DUSP3: variants seen among roughly 807,000 people sequenced by gnomAD.
DUSP3 encodes dual specificity protein phosphatase 3.
DUSP3 carries 7 observed loss-of-function variants against 15.5 expected under a neutral mutation model. The ratio of observed to expected loss-of-function variants is 0.45; its 90% CI spans 0.26 to 0.85. The LOEUF (loss-of-function observed/expected upper bound fraction) is 0.85. Ranked by LOEUF, DUSP3 falls within the 40% of genes least tolerant of loss-of-function variation. The pLI is 0.18. For missense variants in DUSP3, 209 were observed against 251.7 expected (o/e 0.83, Z 1.15); for synonymous variants, 86 against 104.2 (o/e 0.83, Z 1.07).
In DUSP3 at chr17:43,766,468, C is replaced by T. The variant is rs1197054704; in HGVS notation, c.*3141G>A. The stretch of plus-strand genomic sequence containing the variant: ...AAAAGAAAATTTCCTGCGAGAAAAG[C>T]TCATGTCTTCATATTGAAGATCAGT... On this transcript the variant is annotated 3_prime_UTR_variant, in exon 3 of 3. Coordinates refer to ENST00000226004, the MANE Select transcript of DUSP3 (RefSeq NM_004090.4). The T allele has an allele frequency of 6.6e-6, 1 of 152,038 alleles. No homozygotes were observed. The highest frequency in any genetic ancestry group is 1.5e-5 in the Non-Finnish European group (1 of 67,988). 9.4% of individuals were successfully genotyped at this position (152,038 alleles called of 1,614,324 possible).
rs1335477758 is a variant in DUSP3 at position 43,767,439 on chromosome 17, C to T, written c.*2170G>A. The T allele has an allele frequency of 2.0e-5, 3 of 152,636 alleles. No individual in the cohort carries two copies. The highest frequency in any genetic ancestry group is 2.9e-5 in the Non-Finnish European group (2 of 68,058). 9.5% of individuals were successfully genotyped at this position (152,636 alleles called of 1,614,324 possible). A position where few individuals can be genotyped will look rare whatever the true frequency, so the allele number is the denominator to read the frequency against. On this transcript the variant is annotated 3_prime_UTR_variant, in exon 3 of 3. Transcript: ENST00000226004. ...GTAAGTGCAGTACACCTGGAGATCC[C>T]AGGGAGCCCCCTTCTTGAGAAAGAG...
chr17:43,772,483 C>T (rs1974331896), intron 2 of DUSP3, among the ~76,000 whole-genome samples: 1 of 152,160 alleles, frequency 6.6e-6, no homozygotes, highest in Admixed American at 6.5e-5. Context: ...CCACCTCCTC[C>T]ATGAAGCTGT....
rs1974252879 is a variant in DUSP3, at chr17:43,767,308, G to C, written c.*2301C>G. 6.6e-6 allele frequency: 1 copy of C among 152,658 alleles called. No homozygotes were observed. The highest frequency in any genetic ancestry group is 2.4e-5 in the African/African-American group (1 of 41,456). 9.5% of individuals were successfully genotyped at this position (152,658 alleles called of 1,614,324 possible). ...CCTAGCCTTTTCCAGGAGCAGAGCA[G>C]AAAGCTCTACTTCGGGGTGCTACAT... On this transcript the variant is annotated 3_prime_UTR_variant, in exon 3 of 3. Transcript: ENST00000226004.
chr17:43,778,695 G>T (rs1437202445), intron 1 of DUSP3, 105 bp downstream of exon 1: 3 of 1,330,926 alleles, frequency 2.3e-6, no homozygotes, highest in East Asian at 3.2e-5. Context: ...GGGCCATCGC[G>T]CCCGGGCTCC....
chr17:43,769,412 CG>C lies in DUSP3; in HGVS notation c.*196del. On this transcript the variant is annotated 3_prime_UTR_variant, in exon 3 of 3. Transcript: ENST00000226004. ...AAACAGGACAACTGGGGAGCAAGGA[CG>C]CCCCCCTTGGCAAGCTTCTTTATGT... The C allele has an allele frequency of 1.7e-6, 1 of 583,162 alleles. No individual in the cohort carries two copies. Among genetic ancestry groups the C allele is most frequent in the East Asian group, 3.1e-5 (1 of 32,786 alleles). The allele number at this position is 583,162 out of a possible 1,614,324, so 36.1% of individuals were successfully genotyped here. A position where few individuals can be genotyped will look rare whatever the true frequency, so the allele number is the denominator to read the frequency against.
chr17:43,777,753 GCTC>G (rs984424644), intron 1 of DUSP3: 8 of 257,216 alleles, frequency 3.1e-5, no homozygotes, highest in African/African-American at 1.6e-4. Context: ...CTTTCTTGAG[GCTC>G]CTATTTCACA....
At chr17:43,769,888 T>C (rs1203284169) in intron 2 of DUSP3, 74 bp from the exon 3 acceptor site, 3 of 1,498,176 alleles carry the variant, frequency 2.0e-6, no homozygotes, top group African/African-American at 1.4e-5. Context: ...GACTCTTCCG[T>C]GAAGTGCCAC....
At position 43,769,535 on chromosome 17, in the gene DUSP3, A is replaced by C; in HGVS notation, c.*74T>G. 1.3e-6 allele frequency: 2 copies of C among 1,559,630 alleles called. No individual in the cohort carries two copies. Among genetic ancestry groups the C allele is most frequent in the Non-Finnish European group, 1.8e-6 (2 of 1,140,628 alleles). On this transcript the variant is annotated 3_prime_UTR_variant, in exon 3 of 3. Transcript: ENST00000226004. ...GGGAGCAGGGTACAGTGTGTTTCCT[A>C]AACATGGCAGCTCGGGACACCTTTG...
At chr17:43,776,836 A>T (rs1348281359) in intron 1 of DUSP3, among the ~76,000 whole-genome samples, 2 of 152,190 alleles carry the variant, frequency 1.3e-5, no homozygotes, top group Non-Finnish European at 2.9e-5. Context: ...GTGTCTCTAG[A>T]GCTTTCCAAT....
Position 43,778,780 on chromosome 17 carries a change from G to T in DUSP3, c.125+20C>A. ...CGTCCCGAGAGGGACGGCGGGGCCG[G>T]GCTCGCGAAAGGGACTCACGCGTTG... is the stretch of plus-strand genomic sequence containing the variant. On this transcript the variant is annotated intron_variant, in intron 1 of 2. Coordinates refer to ENST00000226004, the MANE Select transcript of DUSP3 (RefSeq NM_004090.4). The T allele has an allele frequency of 6.6e-7, 1 of 1,513,342 alleles. No homozygotes were observed. The highest frequency in any genetic ancestry group is 2.8e-5 in the East Asian group (1 of 35,896). The allele number at this position is 1,513,342 out of a possible 1,614,324, so 93.7% of individuals were successfully genotyped here. A position where few individuals can be genotyped will look rare whatever the true frequency, so the allele number is the denominator to read the frequency against.
In DUSP3 at chr17:43,769,214, A is replaced by G. The variant is rs7214981; in HGVS notation, c.*395T>C. On this transcript the variant is annotated 3_prime_UTR_variant, in exon 3 of 3. Transcript: ENST00000226004. ...ACTAGGGCTCAAGGTGTTGAGGTCC[A>G]CACTCAAGAGAGGATTCGGGAGTTG... The G allele has an allele frequency of 0.03, 6,812 of 223,802 alleles. 450 individuals are homozygous for G. Among genetic ancestry groups the G allele is most frequent in the African/African-American group, 0.15 (6,338 of 42,574 alleles). 13.9% of individuals were successfully genotyped at this position (223,802 alleles called of 1,614,324 possible).
At chr17:43,774,660 G>C in intron 2 of DUSP3, 52 bp downstream of exon 2, 1 of 1,592,650 alleles carries the variant, frequency 6.3e-7, no homozygotes, top group Non-Finnish European at 8.6e-7. Flanking sequence ...TTTCCAGAGG[G>C]ACAGTCCAGT....
chr17:43,769,794 G>A lies in DUSP3; in HGVS notation c.373C>T (p.Arg125Trp), dbSNP rs151166513. 18 of 1,613,958 alleles carry A rather than the reference G, an allele frequency of 1.1e-5. No individual in the cohort carries two copies. Among genetic ancestry groups the A allele is most frequent in the African/African-American group, 2.7e-5 (2 of 74,908 alleles). The part of the protein sequence containing the change: ...QKNGRVLVHC[R>W]EGYSRSPTLV... ...GTTGGGGAGCGGCTATAACCTTCCC[G>A]GCAGTGGACGAGCACCCGGCCTGTA... is the stretch of plus-strand genomic sequence containing the variant. Residue 125 changes from arginine (R) to tryptophan (W), a missense_variant, in exon 3 of 3, where the codon CGG becomes TGG. Arg to Trp is a moderately radical substitution (Grantham distance 101). Coordinates refer to ENST00000226004, the MANE Select transcript of DUSP3 (RefSeq NM_004090.4).
chr17:43,777,066 G>A (rs914060916), intron 1 of DUSP3, among the ~76,000 whole-genome samples: 2 of 151,946 alleles, frequency 1.3e-5, no homozygotes, highest in Non-Finnish European at 2.9e-5. Context: ...TCCACCTCCC[G>A]TGTTCAAACG....
chr17:43,774,921 A>G lies in DUSP3; in HGVS notation c.143T>C (p.Ile48Thr). Residue 48 changes from isoleucine (I) to threonine (T), a missense_variant, in exon 2 of 3, where the codon ATC becomes ACC. Ile to Thr is a moderately conservative substitution (Grantham distance 89). Coordinates refer to ENST00000226004, the MANE Select transcript of DUSP3 (RefSeq NM_004090.4). ...YVGNASVAQD[I>T]PKLQKLGITH... ...GATGCCTAGTTTCTGCAGCTTGGGG[A>G]TGTCCTGAGCCACAGACCTGGACAG... 1 of 1,614,104 alleles carries G rather than the reference A, an allele frequency of 6.2e-7. No homozygotes were observed. Among genetic ancestry groups the G allele is most frequent in the South Asian group, 1.1e-5 (1 of 91,080 alleles).
intron 2 of DUSP3, among the ~76,000 whole-genome samples, chr17:43,770,380 G>A (rs1974299671): frequency 6.6e-6 from 1 of 152,198 alleles, no homozygotes; most frequent in Admixed American, 6.5e-5. Flanking sequence ...GCAAGGGGCT[G>A]GGCACAGTGG....
rs1211090971 is a variant in DUSP3 at position 43,778,864 on chromosome 17, C to A, written c.61G>T (p.Gly21Cys). The change falls in exon 1 of 3, where the codon GGC becomes TGC. Residue 21 changes from glycine to cysteine, a missense_variant. Physicochemically the swap from Gly to Cys is radical, Grantham distance 159. Transcript: ENST00000226004. ...DLNDLLSDGS[G>C]CYSLPSQPCN... is the part of the protein sequence containing the mutation. ...GGCTGGCTCGGGAGGCTGTAGCAGC[C>A]GCTGCCGTCCGAGAGCAGGTCGTTG... The A allele has an allele frequency of 6.6e-7, 1 of 1,521,132 alleles. No individual in the cohort carries two copies. Among genetic ancestry groups the A allele is most frequent in the Non-Finnish European group, 8.8e-7 (1 of 1,135,352 alleles). The allele number at this position is 1,521,132 out of a possible 1,614,324, so 94.2% of individuals were successfully genotyped here.
intron 2 of DUSP3, 68 bp from the exon 3 acceptor site, chr17:43,769,882 C>T (rs1974291749): frequency 1.3e-6 from 2 of 1,545,386 alleles, no homozygotes; most frequent in Admixed American, 3.7e-5. Flanking sequence ...GGTCAAGACT[C>T]TTCCGTGAAG....
chr17:43,777,129 T>C (rs4792913), intron 1 of DUSP3, among the ~76,000 whole-genome samples: 51,771 of 151,850 alleles, frequency 0.34, 9,907 homozygotes, highest in African/African-American at 0.52. Flanking sequence ...CCAGGCACCA[T>C]GCCCAGCTAA....
Sources: gnomAD v4.1 joint callset for allele counts (sites outside exome capture counted in the v4.1 genomes callset) on GRCh38, gnomAD v4.1.1 for gene constraint, MANE v1.5 for transcripts, NCBI Gene and HGNC (gene_info 2026-07-23, HGNC 2026-07-21) for gene names.